Variants in PDE7A observed in about 807,000 individuals in gnomAD.
PDE7A encodes the protein phosphodiesterase 7A.
PDE7A carries 39 observed loss-of-function variants against 64.3 expected under a neutral mutation model. That is an observed-to-expected ratio of 0.61 (90% confidence interval 0.47 to 0.79). PDE7A has a LOEUF of 0.79. Among genes scored for constraint, PDE7A ranks in the 30% least tolerant of loss-of-function variants. The probability of loss-of-function intolerance (pLI) is 0.00; values close to 1 mark genes in which losing one functional copy is unlikely to be tolerated. For synonymous variants in PDE7A, 203 were observed against 206.8 expected (o/e 0.98, Z 0.16); for missense variants, 470 against 582.8 (o/e 0.81, Z 1.99).
intron 3 of PDE7A, among the ~76,000 whole-genome samples, chr8:65,767,757 C>A (rs753604330): frequency 1.1e-4 from 16 of 152,100 alleles, no homozygotes; most frequent in Non-Finnish European, 2.1e-4. Context: ...GTTCTGCACC[C>A]CTTCCCCCAT....
chr8:65,798,208 T>TATATATATA (rs1282422397), intron 1 of PDE7A, among the ~76,000 whole-genome samples: 5 of 106,552 alleles, frequency 4.7e-5, no homozygotes, highest in African/African-American at 2.6e-4. Context: ...ATATATATAT[T>TATATATATA]TTTTTTTTTT....
intron 1 of PDE7A, among the ~76,000 whole-genome samples, chr8:65,827,327 T>A (rs75759470): frequency 0.036 from 5,515 of 152,326 alleles, 141 homozygotes; most frequent in African/African-American, 0.075. Context: ...TACAGGCTCT[T>A]CTAATGGTAA....
chr8:65,735,206 C>T (rs1255951613), intron 6 of PDE7A, among the ~76,000 whole-genome samples: 1 of 152,200 alleles, frequency 6.6e-6, no homozygotes, highest in Non-Finnish European at 1.5e-5. Flanking sequence ...GAAAGCGAGC[C>T]TACCTGTGAT....
chr8:65,754,200 G>A (rs1285956918), intron 3 of PDE7A, among the ~76,000 whole-genome samples: 1 of 151,986 alleles, frequency 6.6e-6, no homozygotes, highest in African/African-American at 2.4e-5. Flanking sequence ...ATGTTTTTCT[G>A]CTTGCTTTAT....
chr8:65,811,853 T>A (rs1442368668), intron 1 of PDE7A, among the ~76,000 whole-genome samples: 1 of 152,178 alleles, frequency 6.6e-6, no homozygotes, highest in African/African-American at 2.4e-5. Context: ...AATTAATTAT[T>A]AAACTATTAG....
rs189724954 is a variant in PDE7A at position 65,786,011 on chromosome 8, C to G, written c.139-3168G>C. On this transcript the variant is annotated intron_variant, in intron 1 of 12. Transcript: ENST00000401827. Reference sequence around the variant, plus strand: ...GGTAATGCGCATAGTCTAGATAACACCATGGCATACTAAACTTAACTAAGG... The same window carrying G: ...GGTAATGCGCATAGTCTAGATAACAGCATGGCATACTAAACTTAACTAAGG... 2.6e-5 allele frequency among the ~76,000 whole-genome samples: 4 copies of G among 152,128 alleles called. No individual in the cohort carries two copies. In the East Asian group the frequency reaches 7.7e-4, roughly 29 times the overall value.
chr8:65,812,806 A>G (rs1463844058), intron 1 of PDE7A, among the ~76,000 whole-genome samples: 1 of 152,194 alleles, frequency 6.6e-6, no homozygotes, highest in African/African-American at 2.4e-5. Flanking sequence ...CTAATGAGAT[A>G]CCTTTTTATT....
At position 65,842,001 on chromosome 8, in the gene PDE7A, T is replaced by TGCTCCTCCCCTCCCCC. The variant is rs1811109162; in HGVS notation, c.-509_-494dup. On this transcript the variant is annotated 5_prime_UTR_variant, in exon 1 of 13. Transcript: ENST00000401827. The stretch of plus-strand genomic sequence containing the variant: ...GCCGCCGCCGCCGCCGCCGGAGTCC[T>TGCTCCTCCCCTCCCCC]GCTCCTCCCCTCCCCCGGAGCCTGA... 1 of 242,964 alleles carries TGCTCCTCCCCTCCCCC rather than the reference T, an allele frequency of 4.1e-6. No homozygotes were observed. The highest frequency in any genetic ancestry group is 7.8e-6 in the Non-Finnish European group (1 of 128,330). The allele number at this position is 242,964 out of a possible 1,614,324, so 15.1% of individuals were successfully genotyped here.
In PDE7A at chr8:65,718,210, AAT is replaced by A. The variant is rs1806219089; in HGVS notation, c.*1078_*1079del. 1 of 152,150 alleles carries A rather than the reference AAT, an allele frequency of 6.6e-6. No homozygotes were observed. Among genetic ancestry groups the A allele is most frequent in the African/African-American group, 2.4e-5 (1 of 41,450 alleles). The allele number at this position is 152,150 out of a possible 1,614,324, so 9.4% of individuals were successfully genotyped here. A position where few individuals can be genotyped will look rare whatever the true frequency, so the allele number is the denominator to read the frequency against. On this transcript the variant is annotated 3_prime_UTR_variant, in exon 13 of 13. Coordinates refer to ENST00000401827, the MANE Select transcript of PDE7A (RefSeq NM_001242318.3). ...CATTATGTCACATTCTAAAATAATAAATAAAAGCTTACATTTCAAATCTTTGC... is the reference window on the plus strand; with the variant it reads ...CATTATGTCACATTCTAAAATAATAAAAAAGCTTACATTTCAAATCTTTGC...
chr8:65,770,121 C>CTGTGTGTGTGTG (rs10608556), intron 3 of PDE7A, among the ~76,000 whole-genome samples: 1 of 146,556 alleles, frequency 6.8e-6, no homozygotes, highest in South Asian at 2.2e-4. Flanking sequence ...CAGTATACTT[C>CTGTGTGTGTGTG]TGTGTGTGTG....
chr8:65,749,801 C>T (rs1807851354), intron 3 of PDE7A, among the ~76,000 whole-genome samples: 1 of 152,146 alleles, frequency 6.6e-6, no homozygotes, highest in Non-Finnish European at 1.5e-5. Context: ...TGTTTACTCA[C>T]AAGGGTTTTT....
At chr8:65,830,597 TTC>T in intron 1 of PDE7A, among the ~76,000 whole-genome samples, 1 of 152,260 alleles carries the variant, frequency 6.6e-6, no homozygotes, top group Non-Finnish European at 1.5e-5. Context: ...GAAAACGCAT[TTC>T]TGACAAAATT....
intron 1 of PDE7A, among the ~76,000 whole-genome samples, chr8:65,795,052 C>T (rs750145517): frequency 1.9e-4 from 29 of 152,140 alleles, no homozygotes; most frequent in Non-Finnish European, 3.4e-4. Context: ...GCTAAATCTT[C>T]GCCAGCAAAA....
chr8:65,727,330 A>T, intron 7 of PDE7A, 29 bp from the exon 8 acceptor site: 3 of 1,612,090 alleles, frequency 1.9e-6, no homozygotes, highest in African/African-American at 1.3e-5. Context: ...ATAATGAATC[A>T]CAGATATATC....
chr8:65,780,146 G>T (rs1427137781), intron 2 of PDE7A, among the ~76,000 whole-genome samples: 4 of 151,300 alleles, frequency 2.6e-5, no homozygotes, highest in Non-Finnish European at 5.9e-5. Flanking sequence ...TTAAAAAAAG[G>T]CCATTGGGAA....
At chr8:65,811,478 AGACGGCAT>A (rs1252790846) in intron 1 of PDE7A, among the ~76,000 whole-genome samples, 1 of 152,250 alleles carries the variant, frequency 6.6e-6, no homozygotes, top group African/African-American at 2.4e-5. Context: ...ACGAGAAGCC[AGACGGCAT>A]GAGAGGCTGG....
intron 1 of PDE7A, among the ~76,000 whole-genome samples, chr8:65,827,340 T>G (rs544743143): frequency 6.6e-6 from 1 of 152,342 alleles, no homozygotes; most frequent in African/African-American, 2.4e-5. Flanking sequence ...AATGGTAATA[T>G]TCTATGATCT....
rs1809361502 is a variant in PDE7A, at chr8:65,779,785, C to G, written c.218G>C (p.Ser73Thr). The part of the protein sequence containing the change: ...IRMLGDVRVR[S>T]RAGFESERRG... ...TCTTTCTGATTCAAATCCTGCTCGG[C>G]TCCTTACACGTACATCTCCTGGACA... Residue 73 changes from serine (S) to threonine (T), a missense_variant, in exon 3 of 13, where the codon AGC becomes ACC. Coordinates refer to ENST00000401827, the MANE Select transcript of PDE7A (RefSeq NM_001242318.3). The G allele has an allele frequency of 6.3e-7, 1 of 1,599,178 alleles. No homozygotes were observed. The highest frequency in any genetic ancestry group is 1.3e-5 in the African/African-American group (1 of 74,500).
chr8:65,763,175 T>A (rs960582785), intron 3 of PDE7A, among the ~76,000 whole-genome samples: 1 of 152,210 alleles, frequency 6.6e-6, no homozygotes, highest in African/African-American at 2.4e-5. Context: ...AGGGAATATT[T>A]GTTATACATA....
Sources: allele counts gnomAD v4.1 joint callset (sites outside exome capture counted in the v4.1 genomes callset), GRCh38; gene constraint gnomAD v4.1.1; transcripts MANE v1.5; gene names NCBI Gene and HGNC (gene_info 2026-07-23, HGNC 2026-07-21).